The following ZYG11B variants were observed in gnomAD, a reference collection of about 807,000 sequenced individuals.
ZYG11B encodes the protein protein zyg-11 homolog B.
In ZYG11B, 36 loss-of-function variants were observed where a neutral mutation model predicts 82.4. The ratio of observed to expected loss-of-function variants is 0.44; its 90% CI spans 0.33 to 0.58. The LOEUF is 0.58. Among genes scored for constraint, ZYG11B ranks in the 20% least tolerant of loss-of-function variants. The probability of loss-of-function intolerance (pLI) is 0.02; values close to 1 mark genes in which losing one functional copy is unlikely to be tolerated. For missense variants in ZYG11B, 552 were observed against 895.6 expected, an observed-to-expected ratio of 0.62 and a Z score of 4.90; for synonymous variants, 303 against 312.8, an observed-to-expected ratio of 0.97 and a Z score of 0.33.
chr1:52,777,946 T>C (rs1644823136), intron 3 of ZYG11B, among the ~76,000 whole-genome samples: 1 of 152,162 alleles, frequency 6.6e-6, no homozygotes, highest in South Asian at 2.1e-4. Context: ...AGTAAATAAT[T>C]ATATAGCTTA....
At chr1:52,743,521 G>C (rs1644451782) in intron 1 of ZYG11B, among the ~76,000 whole-genome samples, 1 of 151,712 alleles carries the variant, frequency 6.6e-6, no homozygotes, top group African/African-American at 2.4e-5. Flanking sequence ...AGACCAGCCT[G>C]GGCAACATAG....
chr1:52,799,953 T>C (rs1046949057), intron 8 of ZYG11B, among the ~76,000 whole-genome samples: 1 of 152,078 alleles, frequency 6.6e-6, no homozygotes, highest in African/African-American at 2.4e-5. Flanking sequence ...CAGTTTTCTT[T>C]GGGGTGATAA....
chr1:52,759,297 G>A (rs2149931565), intron 2 of ZYG11B, among the ~76,000 whole-genome samples: 2 of 152,232 alleles, frequency 1.3e-5, no homozygotes, highest in African/African-American at 2.4e-5. Context: ...AAATGCTAAG[G>A]CCTTAACTTT....
intron 12 of ZYG11B, among the ~76,000 whole-genome samples, chr1:52,815,004 C>T (rs939465693): frequency 1.3e-5 from 2 of 151,924 alleles, no homozygotes; most frequent in African/African-American, 2.4e-5. Context: ...ACTGAAAGAA[C>T]AAAGTTAGTG....
chr1:52,827,259 A>G lies in ZYG11B; in HGVS notation c.*5630A>G, dbSNP rs1645332324. 1.3e-5 allele frequency: 2 copies of G among 152,210 alleles called. No individual in the cohort carries two copies. The highest frequency in any genetic ancestry group is 2.9e-5 in the Non-Finnish European group (2 of 68,036). The allele number at this position is 152,210 out of a possible 1,614,324, so 9.4% of individuals were successfully genotyped here. ...ATCATGCTGTATTTTAAATCAGGAC[A>G]TCACTTAAGTATTAATGTTGTGTGT... On this transcript the variant is annotated 3_prime_UTR_variant, in exon 14 of 14. Transcript: ENST00000294353.
At chr1:52,788,552 G>A (rs564109507) in intron 5 of ZYG11B, among the ~76,000 whole-genome samples, 25 of 152,288 alleles carry the variant, frequency 1.6e-4, no homozygotes, top group Non-Finnish European at 2.4e-4. Context: ...TGGGAGCCCA[G>A]GAGGAGCACT....
At chr1:52,752,870 C>T (rs1644538099) in intron 1 of ZYG11B, among the ~76,000 whole-genome samples, 1 of 151,108 alleles carries the variant, frequency 6.6e-6, no homozygotes, top group South Asian at 2.1e-4. Context: ...GGGTGGGGTA[C>T]AGAGTCTCGC....
At chr1:52,797,201 T>TA (rs1246695363) in intron 8 of ZYG11B, among the ~76,000 whole-genome samples, 1 of 82,634 alleles carries the variant, frequency 1.2e-5, no homozygotes, top group Non-Finnish European at 2.0e-5. Flanking sequence ...ATATAAATTA[T>TA]TTATATATAA....
At position 52,813,931 on chromosome 1, in the gene ZYG11B, A is replaced by G; in HGVS notation, c.1946+19A>G. 1 of 1,613,022 alleles carries G rather than the reference A, an allele frequency of 6.2e-7. No individual in the cohort carries two copies. The highest frequency in any genetic ancestry group is 8.5e-7 in the Non-Finnish European group (1 of 1,179,538). On this transcript the variant is annotated intron_variant, in intron 12 of 13. Transcript: ENST00000294353. ...CATACAGGTAATTAGTATCATAATT[A>G]ACAGTAAACCAGCAACCTAGTCTAG...
At chr1:52,787,916 C>T (rs1391623496) in intron 5 of ZYG11B, among the ~76,000 whole-genome samples, 1 of 152,048 alleles carries the variant, frequency 6.6e-6, no homozygotes, top group Admixed American at 6.6e-5. Context: ...ATGATTAATT[C>T]TGCTGGCTGG....
At position 52,805,541 on chromosome 1, in the gene ZYG11B, A is replaced by G. The variant is rs60727315; in HGVS notation, c.1695+3402A>G. ...AACGGAAAGGTGAAATTTATTTTAAATATTTGTGGGTTGGGTGCAGTGGCT... is the reference window on the plus strand; with the variant it reads ...AACGGAAAGGTGAAATTTATTTTAAGTATTTGTGGGTTGGGTGCAGTGGCT... On this transcript the variant is annotated intron_variant, in intron 10 of 13. Coordinates refer to ENST00000294353, the MANE Select transcript of ZYG11B (RefSeq NM_024646.3). 994 of 455,130 alleles carry G rather than the reference A, an allele frequency of 2.2e-3. 4 individuals are homozygous for G. The highest frequency in any genetic ancestry group is 0.018 in the African/African-American group (893 of 50,170). 28.2% of individuals were successfully genotyped at this position (455,130 alleles called of 1,614,324 possible). A position where few individuals can be genotyped will look rare whatever the true frequency, so the allele number is the denominator to read the frequency against.
intron 6 of ZYG11B, among the ~76,000 whole-genome samples, chr1:52,790,901 G>A (rs899319079): frequency 2.0e-5 from 3 of 150,432 alleles, no homozygotes; most frequent in African/African-American, 7.3e-5. Flanking sequence ...ATATAAAGGG[G>A]TCCTTTGTTT....
At chr1:52,799,319 C>T (rs1645055479) in intron 8 of ZYG11B, among the ~76,000 whole-genome samples, 1 of 151,816 alleles carries the variant, frequency 6.6e-6, no homozygotes, top group Non-Finnish European at 1.5e-5. Context: ...AACCCCGTCT[C>T]TACTAAAAAT....
intron 6 of ZYG11B, among the ~76,000 whole-genome samples, chr1:52,795,276 T>C (rs1158492483): frequency 2.0e-5 from 3 of 152,108 alleles, no homozygotes; most frequent in Non-Finnish European, 4.4e-5. Context: ...CCTTCACCCA[T>C]GTAGGATGTG....
chr1:52,735,822 C>T (rs903075106), intron 1 of ZYG11B, among the ~76,000 whole-genome samples: 1 of 152,140 alleles, frequency 6.6e-6, no homozygotes, highest in Non-Finnish European at 1.5e-5. Flanking sequence ...AAATTCCTCC[C>T]TATTGTCTGA....
intron 1 of ZYG11B, among the ~76,000 whole-genome samples, chr1:52,750,021 G>C (rs59101150): frequency 6.6e-6 from 1 of 152,200 alleles, no homozygotes; most frequent in Non-Finnish European, 1.5e-5. Context: ...GTTTGGATAA[G>C]ATGACCTCTA....
At chr1:52,797,637 T>C (rs1645037775) in intron 8 of ZYG11B, among the ~76,000 whole-genome samples, 1 of 148,242 alleles carries the variant, frequency 6.7e-6, no homozygotes, top group Non-Finnish European at 1.5e-5. Context: ...GCCTCCCGAG[T>C]AGCTGGGACT....
At chr1:52,727,663 G>C (rs1644296908) in intron 1 of ZYG11B, among the ~76,000 whole-genome samples, 1 of 152,198 alleles carries the variant, frequency 6.6e-6, no homozygotes. Context: ...GGCAGGTTGT[G>C]ACAGTCTCTT....
chr1:52,798,503 C>CA (rs1645047102), intron 8 of ZYG11B, among the ~76,000 whole-genome samples: 1 of 152,096 alleles, frequency 6.6e-6, no homozygotes, highest in Non-Finnish European at 1.5e-5. Context: ...CCCAGCTACG[C>CA]AAGAGGCTGA....
Sources: allele counts gnomAD v4.1 joint callset (sites outside exome capture counted in the v4.1 genomes callset), GRCh38; gene constraint gnomAD v4.1.1; transcripts MANE v1.5; gene names NCBI Gene and HGNC (gene_info 2026-07-23, HGNC 2026-07-21).